FHIP1A: variants seen among roughly 807,000 people sequenced by gnomAD.
The protein encoded by FHIP1A is FHF complex subunit HOOK interacting protein 1A.
Under a neutral mutation model 88.6 loss-of-function variants are expected in FHIP1A, and 61 were observed. That is an observed-to-expected ratio of 0.69 (90% CI 0.56 to 0.85). FHIP1A has a LOEUF of 0.85. FHIP1A is among the 40% of genes least tolerant of loss of function. The pLI is 0.00. For synonymous variants in FHIP1A, 478 were observed against 496.0 expected, an observed-to-expected ratio of 0.96 and a Z score of 0.48; for missense variants, 1,154 against 1,273.5, an observed-to-expected ratio of 0.91 and a Z score of 1.43.
intron 3 of FHIP1A, among the ~76,000 whole-genome samples, chr4:151,536,037 G>C (rs1239529138): frequency 6.6e-6 from 1 of 152,194 alleles, no homozygotes; most frequent in African/African-American, 2.4e-5. Context: ...ATGCCTTCTG[G>C]AAAGAGTGGG....
intron 7 of FHIP1A, among the ~76,000 whole-genome samples, chr4:151,612,549 T>G (rs1255544765): frequency 5.9e-5 from 9 of 152,324 alleles, no homozygotes; most frequent in Admixed American, 5.2e-4. Flanking sequence ...CCTGGCTAAC[T>G]TTTTGTGTTT....
intron 3 of FHIP1A, among the ~76,000 whole-genome samples, chr4:151,512,799 A>G (rs1462513924): frequency 1.3e-5 from 2 of 152,232 alleles, no homozygotes; most frequent in Non-Finnish European, 1.5e-5. Flanking sequence ...ATATGGGACT[A>G]TGTGAAAAGA....
intron 2 of FHIP1A, among the ~76,000 whole-genome samples, chr4:151,471,563 G>C (rs1465127824): frequency 6.6e-6 from 1 of 151,870 alleles, no homozygotes; most frequent in East Asian, 1.9e-4. Flanking sequence ...AGAAATGTTT[G>C]TTAGTCCAAA....
intron 2 of FHIP1A, among the ~76,000 whole-genome samples, chr4:151,463,961 A>C (rs564812234): frequency 3.3e-5 from 5 of 152,306 alleles, no homozygotes; most frequent in Non-Finnish European, 7.4e-5. Flanking sequence ...ACCAGACATG[A>C]ATATGATCTG....
chr4:151,595,197 C>T (rs1187290202), intron 7 of FHIP1A, among the ~76,000 whole-genome samples: 1 of 152,146 alleles, frequency 6.6e-6, no homozygotes, highest in Non-Finnish European at 1.5e-5. Context: ...ACTGCTTTAG[C>T]TGTGTCCCAG....
At chr4:151,428,671 G>T (rs1050981425) in intron 1 of FHIP1A, among the ~76,000 whole-genome samples, 3 of 152,032 alleles carry the variant, frequency 2.0e-5, no homozygotes, top group Non-Finnish European at 2.9e-5. Flanking sequence ...TACGTGCAAG[G>T]CTCCCCAACT....
At chr4:151,437,467 A>T (rs1432256985) in intron 1 of FHIP1A, among the ~76,000 whole-genome samples, 1 of 152,084 alleles carries the variant, frequency 6.6e-6, no homozygotes, top group African/African-American at 2.4e-5. Context: ...CAGGAAGAAA[A>T]ATCACCTCTC....
intron 1 of FHIP1A, among the ~76,000 whole-genome samples, chr4:151,415,242 A>G (rs1304094324): frequency 2.0e-5 from 3 of 149,906 alleles, no homozygotes; most frequent in Non-Finnish European, 3.0e-5. Context: ...GCTGGAGTGC[A>G]GTGGTGCAAT....
intron 3 of FHIP1A, among the ~76,000 whole-genome samples, chr4:151,523,972 A>AT (rs1240741687): frequency 3.3e-5 from 5 of 151,988 alleles, no homozygotes; most frequent in East Asian, 1.9e-4. Context: ...CTTTCTGGCT[A>AT]TTTTTTTACT....
chr4:151,540,504 T>G (rs946358806), intron 3 of FHIP1A, among the ~76,000 whole-genome samples: 3 of 152,354 alleles, frequency 2.0e-5, no homozygotes, highest in Non-Finnish European at 2.9e-5. Flanking sequence ...ATCGACATTT[T>G]ATCTTCCTGT....
intron 2 of FHIP1A, among the ~76,000 whole-genome samples, chr4:151,470,024 T>A (rs764334643): frequency 2.6e-5 from 4 of 152,206 alleles, no homozygotes; most frequent in Admixed American, 6.5e-5. Flanking sequence ...AGGGGAAAAC[T>A]GTGCTAAGAG....
At chr4:151,448,535 A>T (rs1728686347) in intron 1 of FHIP1A, among the ~76,000 whole-genome samples, 1 of 152,148 alleles carries the variant, frequency 6.6e-6, no homozygotes, top group Admixed American at 6.6e-5. Flanking sequence ...TACTCTAGGT[A>T]CCTCTAGACT....
intron 6 of FHIP1A, among the ~76,000 whole-genome samples, chr4:151,587,616 A>G (rs530582091): frequency 2.6e-5 from 4 of 151,832 alleles, no homozygotes; most frequent in Admixed American, 2.6e-4. Context: ...TGCTGCACCC[A>G]TTAACTTATC....
Position 151,658,927 on chromosome 4 carries a change from T to C in FHIP1A, c.2869+2029T>C, listed in dbSNP as rs115401265. 3.1e-3 allele frequency among the ~76,000 whole-genome samples: 474 copies of C among 152,274 alleles called. 3 individuals are homozygous for C. The highest frequency in any genetic ancestry group is 0.011 in the African/African-American group (456 of 41,558). Reference sequence around the variant, plus strand: ...GCCCGTCTTAGCTAATTCAAGGAGATGAGTGTACACACTGACCAACCTAGA... The same window carrying C: ...GCCCGTCTTAGCTAATTCAAGGAGACGAGTGTACACACTGACCAACCTAGA... On this transcript the variant is annotated intron_variant, in intron 13 of 13. Coordinates refer to ENST00000435205, the MANE Select transcript of FHIP1A (RefSeq NM_001109977.3).
At chr4:151,502,083 A>G (rs111856703) in intron 3 of FHIP1A, among the ~76,000 whole-genome samples, 233 of 150,762 alleles carry the variant, frequency 1.5e-3, no homozygotes, top group African/African-American at 5.4e-3. Flanking sequence ...TGGTAGGTCA[A>G]TGTGGGAGAA....
intron 3 of FHIP1A, among the ~76,000 whole-genome samples, chr4:151,530,600 G>A (rs879681988): frequency 2.0e-5 from 3 of 152,132 alleles, no homozygotes; most frequent in Non-Finnish European, 4.4e-5. Flanking sequence ...CAACTTCTGT[G>A]GTTTTGACCA....
In FHIP1A at chr4:151,667,803, A is replaced by G. The variant is rs777364201; in HGVS notation, c.*5049A>G. On this transcript the variant is annotated 3_prime_UTR_variant, in exon 14 of 14. Coordinates refer to ENST00000435205, the MANE Select transcript of FHIP1A (RefSeq NM_001109977.3). ...ACCTACACAAGTAACAAGACGGCCA[A>G]TAGGACCTGTCAGCATGACTTCGAC... 1.4e-4 allele frequency among the ~76,000 whole-genome samples: 21 copies of G among 152,234 alleles called. No individual in the cohort carries two copies. The highest frequency in any genetic ancestry group is 2.4e-4 in the Non-Finnish European group (16 of 68,048).
intron 1 of FHIP1A, among the ~76,000 whole-genome samples, chr4:151,431,835 A>G (rs140334302): frequency 1.1e-4 from 17 of 152,374 alleles, no homozygotes; most frequent in African/African-American, 3.8e-4. Context: ...TGGATCATTT[A>G]GCTGTGAAGG....
At chr4:151,534,453 G>A (rs1580678661) in intron 3 of FHIP1A, among the ~76,000 whole-genome samples, 1 of 152,168 alleles carries the variant, frequency 6.6e-6, no homozygotes, top group South Asian at 2.1e-4. Context: ...TCTTGTTGGG[G>A]AGGCTGATCT....
Sources: gnomAD v4.1 joint callset for allele counts (sites outside exome capture counted in the v4.1 genomes callset) on GRCh38, gnomAD v4.1.1 for gene constraint, MANE v1.5 for transcripts, NCBI Gene and HGNC (gene_info 2026-07-23, HGNC 2026-07-21) for gene names.